CCDC12: variants seen among roughly 807,000 people sequenced by gnomAD.
The protein encoded by CCDC12 is coiled-coil domain containing 12, also known as coiled-coil domain-containing protein 12.
Under a neutral mutation model 25.7 loss-of-function variants are expected in CCDC12, and 28 were observed. That is an observed-to-expected ratio of 1.09 (90% CI 0.81 to 1.50). The LOEUF (loss-of-function observed/expected upper bound fraction) is 1.50. Ranked by LOEUF, CCDC12 falls within the 40% of genes most tolerant of loss-of-function variation. The pLI, the probability that CCDC12 is intolerant of heterozygous loss-of-function variation, is 0.00. For missense variants in CCDC12, 198 were observed against 210.0 expected, an observed-to-expected ratio of 0.94 and a Z score of 0.35; for synonymous variants, 75 against 87.7, an observed-to-expected ratio of 0.86 and a Z score of 0.81.
intron 1 of CCDC12, among the ~76,000 whole-genome samples, chr3:46,962,708 T>G (rs1206494385): frequency 6.6e-6 from 1 of 152,160 alleles, no homozygotes; most frequent in Non-Finnish European, 1.5e-5. Flanking sequence ...TCCACCAGCC[T>G]GGCTAACATG....
intron 2 of CCDC12, among the ~76,000 whole-genome samples, chr3:46,928,480 T>C (rs10865943): frequency 0.52 from 79,166 of 151,934 alleles, 22,710 homozygotes; most frequent in Non-Finnish European, 0.64. Context: ...CCATTGAACA[T>C]AGTGGCAGAA....
At chr3:46,933,930 T>TTC (rs1553647025) in intron 2 of CCDC12, among the ~76,000 whole-genome samples, 1 of 151,700 alleles carries the variant, frequency 6.6e-6, no homozygotes, top group Non-Finnish European at 1.5e-5. Flanking sequence ...TTGAAAATTT[T>TTC]TTTTTTTTTG....
At chr3:46,929,608 C>T (rs2033118719) in intron 2 of CCDC12, among the ~76,000 whole-genome samples, 1 of 152,188 alleles carries the variant, frequency 6.6e-6, no homozygotes, top group Admixed American at 6.5e-5. Flanking sequence ...AATGGTTCTG[C>T]CACCCCCATT....
intron 1 of CCDC12, among the ~76,000 whole-genome samples, chr3:46,961,106 G>A (rs2034449767): frequency 6.6e-6 from 1 of 151,974 alleles, no homozygotes; most frequent in East Asian, 1.9e-4. Flanking sequence ...GTAAGGAGGT[G>A]GGATGCACTG....
At chr3:46,936,483 C>T (rs1413710685) in intron 2 of CCDC12, among the ~76,000 whole-genome samples, 1 of 152,246 alleles carries the variant, frequency 6.6e-6, no homozygotes, top group Non-Finnish European at 1.5e-5. Flanking sequence ...CTCTGTTCGT[C>T]AGGTGAAGCA....
intron 1 of CCDC12, among the ~76,000 whole-genome samples, chr3:46,964,724 G>A (rs1269447060): frequency 6.6e-6 from 1 of 152,240 alleles, no homozygotes; most frequent in Middle Eastern, 3.4e-3. Flanking sequence ...GGTGCAAGAT[G>A]TGCTTTGTTA....
At chr3:46,965,933 G>A (rs2034625921) in intron 1 of CCDC12, 1 of 152,354 alleles carries the variant, frequency 6.6e-6, no homozygotes, top group Non-Finnish European at 1.5e-5. Flanking sequence ...TCCTGGGAGG[G>A]AGGAGGTACT....
chr3:46,976,388 T>C (rs1257554269), intron 1 of CCDC12: 1 of 1,397,408 alleles, frequency 7.2e-7, no homozygotes, highest in East Asian at 2.7e-5. Flanking sequence ...TCAGATGGAC[T>C]GCGGGTCGCT....
chr3:46,929,037 TAA>T (rs1301682071), intron 2 of CCDC12, among the ~76,000 whole-genome samples: 2 of 152,082 alleles, frequency 1.3e-5, no homozygotes, highest in African/African-American at 4.8e-5. Flanking sequence ...ATTGACTGTA[TAA>T]AAGAGTAATA....
intron 2 of CCDC12, among the ~76,000 whole-genome samples, chr3:46,938,518 GTTTTTTTTTTT>G (rs66474878): frequency 1.1e-5 from 1 of 91,380 alleles, no homozygotes. Context: ...TTCCCCTCCT[GTTTTTTTTTTT>G]TTTTTTTTTT....
At chr3:46,927,934 G>C (rs1392449301) in intron 2 of CCDC12, among the ~76,000 whole-genome samples, 1 of 152,172 alleles carries the variant, frequency 6.6e-6, no homozygotes, top group African/African-American at 2.4e-5. Flanking sequence ...GGAGTCTCTG[G>C]GAGAGGTCAA....
intron 2 of CCDC12, among the ~76,000 whole-genome samples, chr3:46,930,994 G>A (rs2033188505): frequency 6.6e-6 from 1 of 152,218 alleles, no homozygotes; most frequent in Admixed American, 6.5e-5. Context: ...CTGGATAAAG[G>A]AATTCAGAAG....
intron 1 of CCDC12, among the ~76,000 whole-genome samples, chr3:46,961,705 T>C (rs764772555): frequency 6.6e-6 from 1 of 152,238 alleles, no homozygotes; most frequent in Non-Finnish European, 1.5e-5. Context: ...AGGGGTGGCA[T>C]GAATTGGGAC....
chr3:46,976,956 G>GAA, upstream of CCDC12: 1 of 301,250 alleles, frequency 3.3e-6, no homozygotes. Flanking sequence ...TGGGGAGCCA[G>GAA]CAAAAAAAAA....
chr3:46,947,389 C>T (rs2033948088), intron 1 of CCDC12, among the ~76,000 whole-genome samples: 1 of 152,228 alleles, frequency 6.6e-6, no homozygotes, highest in African/African-American at 2.4e-5. Context: ...GAGGGACTTC[C>T]TGTCGGGTGC....
chr3:46,923,714 CCA>C (rs2032808522), intron 3 of CCDC12, 46 bp from the exon 4 acceptor site: 1 of 1,426,720 alleles, frequency 7.0e-7, no homozygotes, highest in Non-Finnish European at 9.3e-7. Context: ...AAACGCGCTG[CCA>C]CTCTGCAGGG....
intron 1 of CCDC12, among the ~76,000 whole-genome samples, chr3:46,954,237 T>C (rs1214935570): frequency 6.6e-6 from 1 of 152,176 alleles, no homozygotes; most frequent in Non-Finnish European, 1.5e-5. Context: ...GTAAGGCCTG[T>C]AGAACAAAAG....
chr3:46,927,377 T>G lies in CCDC12; in HGVS notation c.165-1842A>C, dbSNP rs2107108005. On this transcript the variant is annotated intron_variant, in intron 2 of 6. Transcript: ENST00000683445. ...GGGTGTGGGAAGAAAACTGCAGGGA[T>G]TAGTAAGAAAAAAAACTGTCGCTTT... 1.3e-5 allele frequency among the ~76,000 whole-genome samples: 2 copies of G among 151,874 alleles called. 1 individual carries two copies. The highest frequency in any genetic ancestry group is 4.2e-4 in the South Asian group (2 of 4,802).
intron 1 of CCDC12, among the ~76,000 whole-genome samples, chr3:46,967,585 C>G (rs1248811797): frequency 6.6e-6 from 1 of 152,198 alleles, no homozygotes; most frequent in African/African-American, 2.4e-5. Flanking sequence ...CAGCCTCTCC[C>G]CAACACACAC....
Sources: gnomAD v4.1 joint callset for allele counts (sites outside exome capture counted in the v4.1 genomes callset) on GRCh38, gnomAD v4.1.1 for gene constraint, MANE v1.5 for transcripts, NCBI Gene and HGNC (gene_info 2026-07-23, HGNC 2026-07-21) for gene names.